The following TNRC18 variants were observed in gnomAD, a reference collection of about 807,000 sequenced individuals.
TNRC18 encodes the protein trinucleotide repeat containing 18.
In TNRC18, 69 loss-of-function variants were observed where a neutral mutation model predicts 226.7. That is an observed-to-expected ratio of 0.30 (90% CI 0.25 to 0.37). The LOEUF (loss-of-function observed/expected upper bound fraction) is 0.37, where lower values mean the gene tolerates loss of function less well. TNRC18 is among the 10% of genes least tolerant of loss of function. TNRC18 has a pLI of 1.00. For synonymous variants in TNRC18, 2,449 were observed against 1,927.6 expected (o/e 1.27, Z -7.09); for missense variants, 4,754 against 4,256.6 (o/e 1.12, Z -3.25).
At chr7:5,356,723 C>T (rs1006495585) in intron 16 of TNRC18, among the ~76,000 whole-genome samples, 193 bp downstream of exon 16, 1 of 151,816 alleles carries the variant, frequency 6.6e-6, no homozygotes, top group Non-Finnish European at 1.5e-5. Context: ...ACAGGCATAT[C>T]CGCTTCAGGC....
At chr7:5,393,738 T>C (rs1462364841) in intron 3 of TNRC18, among the ~76,000 whole-genome samples, 1 of 151,782 alleles carries the variant, frequency 6.6e-6, no homozygotes, top group Non-Finnish European at 1.5e-5. Flanking sequence ...AGGCAGAAAA[T>C]CAAAGTGAGG....
At chr7:5,409,761 G>T (rs1039679962) in intron 2 of TNRC18, among the ~76,000 whole-genome samples, 1 of 148,330 alleles carries the variant, frequency 6.7e-6, no homozygotes, top group Non-Finnish European at 1.5e-5. Context: ...TGGATCACGA[G>T]GTCAGGAGAT....
At chr7:5,406,712 A>G (rs954913401) in intron 2 of TNRC18, among the ~76,000 whole-genome samples, 3 of 151,724 alleles carry the variant, frequency 2.0e-5, no homozygotes, top group East Asian at 3.9e-4. Flanking sequence ...TTAGCTGGGC[A>G]TGGTGGCAGA....
At chr7:5,354,428 G>A (rs1345100423) in intron 16 of TNRC18, among the ~76,000 whole-genome samples, 3 of 151,848 alleles carry the variant, frequency 2.0e-5, no homozygotes, top group Admixed American at 6.6e-5. Context: ...AAGATCAAAA[G>A]AACAGCAATC....
At chr7:5,362,405 T>G (rs975314476) in intron 12 of TNRC18, among the ~76,000 whole-genome samples, 8 of 152,060 alleles carry the variant, frequency 5.3e-5, no homozygotes, top group Admixed American at 5.2e-4. Context: ...CTACTCTGTT[T>G]CCAGTGGATC....
intron 18 of TNRC18, among the ~76,000 whole-genome samples, chr7:5,342,129 A>G (rs1436583438): frequency 1.3e-5 from 2 of 152,170 alleles, no homozygotes; most frequent in East Asian, 3.9e-4. Flanking sequence ...AACCTTCTGG[A>G]AAGAATTCAC....
chr7:5,367,710 G>C (rs571656046), intron 11 of TNRC18, among the ~76,000 whole-genome samples: 62 of 151,554 alleles, frequency 4.1e-4, no homozygotes, highest in African/African-American at 1.5e-3. Flanking sequence ...TTACAGGCGT[G>C]TGCCACCGTG....
intron 16 of TNRC18, 123 bp downstream of exon 16, chr7:5,356,793 C>T (rs1792451061): frequency 1.5e-6 from 2 of 1,365,352 alleles, no homozygotes; most frequent in Admixed American, 2.9e-5. Flanking sequence ...GTAGTGCGCC[C>T]CAGAGAGAGA....
At chr7:5,353,913 C>T (rs1792093246) in intron 16 of TNRC18, among the ~76,000 whole-genome samples, 2 of 152,120 alleles carry the variant, frequency 1.3e-5, no homozygotes. Context: ...CCCATTTGAC[C>T]ATTCCCAGAC....
At chr7:5,315,558 G>A (rs1263406986) in intron 25 of TNRC18, among the ~76,000 whole-genome samples, 1 of 152,066 alleles carries the variant, frequency 6.6e-6, no homozygotes, top group Non-Finnish European at 1.5e-5. Context: ...TGAGCAGCTG[G>A]GACTACAGGC....
At chr7:5,355,084 A>C (rs1226271263) in intron 16 of TNRC18, among the ~76,000 whole-genome samples, 6 of 152,072 alleles carry the variant, frequency 3.9e-5, no homozygotes, top group African/African-American at 1.2e-4. Context: ...CACCACTGAC[A>C]CTGACATGGG....
intron 2 of TNRC18, among the ~76,000 whole-genome samples, chr7:5,416,602 T>C (rs1782204643): frequency 6.6e-6 from 1 of 150,870 alleles, no homozygotes; most frequent in South Asian, 2.1e-4. Context: ...ATGCCTGTAA[T>C]CCCAGCACTT....
At chr7:5,321,639 CTTTATTTA>C (rs10551562) in intron 21 of TNRC18, among the ~76,000 whole-genome samples, 12,359 of 143,392 alleles carry the variant, frequency 0.086, 599 homozygotes, top group South Asian at 0.15. Context: ...ACTTCTAGGA[CTTTATTTA>C]TTTATTTATT....
chr7:5,343,156 C>T (rs1790845660), intron 18 of TNRC18, among the ~76,000 whole-genome samples: 1 of 152,100 alleles, frequency 6.6e-6, no homozygotes, highest in Admixed American at 6.6e-5. Flanking sequence ...GAGTTCGAGA[C>T]CAGCCTGGCC....
At chr7:5,399,798 G>A (rs941555803) in intron 2 of TNRC18, among the ~76,000 whole-genome samples, 3 of 152,110 alleles carry the variant, frequency 2.0e-5, no homozygotes, top group African/African-American at 4.8e-5. Context: ...CGGGTGGATC[G>A]TGGATCACTT....
chr7:5,370,948 G>A lies in TNRC18; in HGVS notation c.3646C>T (p.Pro1216Ser). The change falls in exon 11 of 30, where the codon CCC (proline) becomes TCC (serine). Residue 1216 changes from proline (P) to serine (S), a missense_variant. Transcript: ENST00000430969. ...TCCACAAAGTCTGGACACTCAGAGGGCTCTGCGCAGCTCTGCCCGGTGGCA... is the reference window on the plus strand; with the variant it reads ...TCCACAAAGTCTGGACACTCAGAGGACTCTGCGCAGCTCTGCCCGGTGGCA... ...LSATGQSCAE[P>S]SECPDFVEGP... 1 of 1,604,974 alleles carries A rather than the reference G, an allele frequency of 6.2e-7. No homozygotes were observed. The highest frequency in any genetic ancestry group is 8.5e-7 in the Non-Finnish European group (1 of 1,179,730).
At chr7:5,328,738 C>G (rs1431963306) in intron 19 of TNRC18, among the ~76,000 whole-genome samples, 2 of 151,878 alleles carry the variant, frequency 1.3e-5, no homozygotes, top group African/African-American at 4.8e-5. Context: ...TCTCGAACTC[C>G]TGACCTCGTG....
chr7:5,394,368 C>A lies in TNRC18; in HGVS notation c.343+72G>T, dbSNP rs574495089. 2.6e-5 allele frequency: 36 copies of A among 1,389,278 alleles called. No homozygotes were observed. The South Asian group carries it at 3.6e-4, about 14-fold the overall frequency. 86.1% of individuals were successfully genotyped at this position (1,389,278 alleles called of 1,614,324 possible). The stretch of plus-strand genomic sequence containing the variant: ...CAGCTCAGCGATGACAACAGAGGGG[C>A]ACATGAAGTGGCCAGAGTGGCTGGG... On this transcript the variant is annotated intron_variant, in intron 3 of 29. Transcript: ENST00000430969. This position sits in a 1 kb window ranked among gnomAD's most constrained non-coding sequence, Gnocchi z 4.5.
At chr7:5,373,888 G>A (rs1355031874) in intron 10 of TNRC18, among the ~76,000 whole-genome samples, 167 bp downstream of exon 10, 1 of 152,086 alleles carries the variant, frequency 6.6e-6, no homozygotes, top group Admixed American at 6.6e-5. Context: ...GGATTTGACT[G>A]TGAGCTCCTG....
Sources: gnomAD v4.1 joint callset for allele counts (sites outside exome capture counted in the v4.1 genomes callset) on GRCh38, gnomAD v4.1.1 for gene constraint, Gnocchi (gnomAD v3.1) non-coding constraint, MANE v1.5 for transcripts, NCBI Gene and HGNC (gene_info 2026-07-23, HGNC 2026-07-21) for gene names.